Variants in MAML2 observed in about 807,000 individuals in gnomAD.
The protein encoded by MAML2 is mastermind like transcriptional coactivator 2.
A neutral mutation model predicts 96.1 loss-of-function variants in MAML2; 22 were observed. That is an observed-to-expected ratio of 0.23 (90% CI 0.16 to 0.33). The LOEUF is 0.33. MAML2 is among the 10% of genes least tolerant of loss of function. MAML2 has a pLI of 1.00. For synonymous variants in MAML2, 561 were observed against 521.3 expected (o/e 1.08, Z -1.04); for missense variants, 1,367 against 1,392.4 (o/e 0.98, Z 0.29).
chr11:96,243,515 C>T (rs998889517), intron 1 of MAML2, among the ~76,000 whole-genome samples: 3 of 152,202 alleles, frequency 2.0e-5, no homozygotes, highest in Non-Finnish European at 2.9e-5. Flanking sequence ...TCAGACCTCG[C>T]GAGAGCCATC....
rs1041804805 is a variant in MAML2 at position 96,170,879 on chromosome 11, T to G, written c.514-77362A>C. Among the ~76,000 whole-genome samples, 7 of 152,284 alleles carry G rather than the reference T, an allele frequency of 4.6e-5. No individual in the cohort carries two copies. In the East Asian group the frequency reaches 7.7e-4, roughly 17 times the overall value. On this transcript the variant is annotated intron_variant, in intron 1 of 4. Coordinates refer to ENST00000524717, the MANE Select transcript of MAML2 (RefSeq NM_032427.4). Reference sequence around the variant, plus strand: ...ACAGGTGACCGCCACCACACCTGTCTAATTTTTTGTATTTTTAGCAGAGAT... The same window carrying G: ...ACAGGTGACCGCCACCACACCTGTCGAATTTTTTGTATTTTTAGCAGAGAT...
intron 1 of MAML2, among the ~76,000 whole-genome samples, chr11:96,094,194 T>C (rs1363189206): frequency 1.3e-5 from 2 of 152,268 alleles, no homozygotes; most frequent in Non-Finnish European, 2.9e-5. Context: ...TGAGATACTT[T>C]AAGCACTGAT....
intron 1 of MAML2, among the ~76,000 whole-genome samples, chr11:96,223,315 A>G (rs1269106211): frequency 6.6e-6 from 1 of 152,224 alleles, no homozygotes; most frequent in Non-Finnish European, 1.5e-5. Flanking sequence ...TAATGATTAC[A>G]GTCATCATGG....
chr11:95,989,102 CTCT>C (rs1250231330), intron 3 of MAML2, among the ~76,000 whole-genome samples: 6 of 152,208 alleles, frequency 3.9e-5, no homozygotes, highest in Non-Finnish European at 8.8e-5. Flanking sequence ...CTATTCATGT[CTCT>C]TCTTTGTGCT....
chr11:96,285,081 AAAGTCACACAGCTACT>A (rs1863120420), intron 1 of MAML2, among the ~76,000 whole-genome samples: 1 of 152,216 alleles, frequency 6.6e-6, no homozygotes, highest in East Asian at 1.9e-4. Context: ...GAACTTGTCC[AAAGTCACACAGCTACT>A]AAGTCAGGAT....
At chr11:96,024,278 C>T (rs1858481583) in intron 2 of MAML2, among the ~76,000 whole-genome samples, 1 of 152,262 alleles carries the variant, frequency 6.6e-6, no homozygotes, top group African/African-American at 2.4e-5. Flanking sequence ...GCCCCAACTT[C>T]ATAACTTCCT....
chr11:95,990,179 T>C (rs1426487471), intron 3 of MAML2, among the ~76,000 whole-genome samples: 2 of 152,202 alleles, frequency 1.3e-5, no homozygotes, highest in Non-Finnish European at 2.9e-5. Context: ...TATACTTTTT[T>C]CTCTTACTTT....
intron 1 of MAML2, among the ~76,000 whole-genome samples, chr11:96,179,251 A>T (rs1303304088): frequency 1.3e-5 from 2 of 152,240 alleles, no homozygotes; most frequent in African/African-American, 4.8e-5. Context: ...CTGAAAAGAG[A>T]GAAATAGTTC....
intron 1 of MAML2, among the ~76,000 whole-genome samples, chr11:96,118,667 T>C (rs1376073155): frequency 6.6e-6 from 1 of 152,162 alleles, no homozygotes; most frequent in Non-Finnish European, 1.5e-5. Flanking sequence ...TATGGAGAGA[T>C]GGATCCACAA....
chr11:96,157,587 A>T (rs1437652657), intron 1 of MAML2, among the ~76,000 whole-genome samples: 5 of 152,282 alleles, frequency 3.3e-5, no homozygotes, highest in Non-Finnish European at 7.3e-5. Context: ...CATTAGAAAT[A>T]ACTGATAAGT....
At chr11:96,293,870 A>T (rs1309179388) in intron 1 of MAML2, among the ~76,000 whole-genome samples, 1 of 152,256 alleles carries the variant, frequency 6.6e-6, no homozygotes, top group Non-Finnish European at 1.5e-5. Flanking sequence ...AGAAAGAGCC[A>T]GCGAATTCTA....
At position 96,341,527 on chromosome 11, in the gene MAML2, G is replaced by T; in HGVS notation, c.369C>A (p.Ala123=). 5.2e-6 allele frequency: 8 copies of T among 1,551,458 alleles called. No homozygotes were observed. The highest frequency in any genetic ancestry group is 7.0e-6 in the Non-Finnish European group (8 of 1,146,934). The part of the protein sequence containing the change: ...PAASQAAATA[A]PPPPPDYHHH... ...GGTGATAGTCTGGTGGGGGCGGTGGGGCTGCTGTTGCTGCTGCTTGGGAGG... is the reference window on the plus strand; with the variant it reads ...GGTGATAGTCTGGTGGGGGCGGTGGTGCTGCTGTTGCTGCTGCTTGGGAGG... Residue 123 remains alanine, a synonymous_variant, in exon 1 of 5, where the codon GCC becomes GCA. Coordinates refer to ENST00000524717, the MANE Select transcript of MAML2 (RefSeq NM_032427.4).
chr11:96,335,428 G>C (rs530607440), intron 1 of MAML2, among the ~76,000 whole-genome samples: 1 of 152,178 alleles, frequency 6.6e-6, no homozygotes, highest in Non-Finnish European at 1.5e-5. Context: ...CCTAAGAAGC[G>C]AGGTATAGCT....
chr11:96,024,078 A>G (rs898615512), intron 2 of MAML2, among the ~76,000 whole-genome samples: 2 of 152,266 alleles, frequency 1.3e-5, no homozygotes, highest in African/African-American at 2.4e-5. Context: ...GGCAAAGACT[A>G]GGGAAATGCT....
Position 95,979,608 on chromosome 11 carries a change from T to C in MAML2, c.2811A>G (p.Arg937=). Residue 937 remains arginine, a synonymous_variant, in exon 5 of 5, where the codon AGA becomes AGG. Coordinates refer to ENST00000524717, the MANE Select transcript of MAML2 (RefSeq NM_032427.4). ...TTGCCATACTATGGGTTAAATTTGG[T>C]CTCAATTGTTGTGAATTACCAACAG... The part of the protein sequence containing the change: ...AGSVGNSQQL[R]PNLTHSMASM... 6.2e-7 allele frequency: 1 copy of C among 1,613,954 alleles called. No individual in the cohort carries two copies. The highest frequency in any genetic ancestry group is 8.5e-7 in the Non-Finnish European group (1 of 1,179,882).
intron 1 of MAML2, among the ~76,000 whole-genome samples, chr11:96,331,817 C>CAAA (rs200355506): frequency 8.0e-5 from 6 of 74,682 alleles, no homozygotes; most frequent in African/African-American, 2.3e-4. Flanking sequence ...GACTCCATCT[C>CAAA]AAAAAAAAAA....
At chr11:96,033,416 G>C (rs2135748166) in intron 2 of MAML2, among the ~76,000 whole-genome samples, 1 of 152,334 alleles carries the variant, frequency 6.6e-6, no homozygotes, top group African/African-American at 2.4e-5. Context: ...CTGTTAAAAT[G>C]CCTGGCAGGA....
chr11:96,217,218 A>G (rs534044470), intron 1 of MAML2, among the ~76,000 whole-genome samples: 1 of 152,370 alleles, frequency 6.6e-6, no homozygotes, highest in East Asian at 1.9e-4. Flanking sequence ...GTCACTGGAA[A>G]TATTTCCCTT....
Position 95,979,143 on chromosome 11 carries a change from T to C in MAML2, c.3276A>G (p.Gln1092=). The part of the protein sequence containing the change: ...LTPSNFPSPN[Q]SSRAFQGTDH... ...CAGTTCCTTGAAAAGCCCTGGAACT[T>C]TGGTTGGGTGAAGGAAAATTGCTGG... The change falls in exon 5 of 5, where the codon CAA becomes CAG. Residue 1092 remains glutamine (Q), a synonymous_variant. Transcript: ENST00000524717. 1 of 1,613,850 alleles carries C rather than the reference T, an allele frequency of 6.2e-7. No homozygotes were observed. The highest frequency in any genetic ancestry group is 8.5e-7 in the Non-Finnish European group (1 of 1,179,852).
Sources: gnomAD v4.1 joint callset for allele counts (sites outside exome capture counted in the v4.1 genomes callset) on GRCh38, gnomAD v4.1.1 for gene constraint, MANE v1.5 for transcripts, NCBI Gene and HGNC (gene_info 2026-07-23, HGNC 2026-07-21) for gene names.